The following DIP2B variants were observed in gnomAD, a reference collection of about 807,000 sequenced individuals.
DIP2B encodes DIP2 acetate--CoA ligase B (putative).
DIP2B carries 76 observed loss-of-function variants against 198.0 expected under a neutral mutation model. That is an observed-to-expected ratio of 0.38 (90% CI 0.32 to 0.46). The LOEUF (loss-of-function observed/expected upper bound fraction) is 0.46. DIP2B is among the 20% of genes least tolerant of loss of function. The pLI, the probability that DIP2B is intolerant of heterozygous loss-of-function variation, is 0.99. For synonymous variants in DIP2B, 701 were observed against 739.1 expected (o/e 0.95, Z 0.84); for missense variants, 1,559 against 1,978.4 (o/e 0.79, Z 4.02).
At chr12:50,618,212 G>A (rs1227018006) in intron 1 of DIP2B, among the ~76,000 whole-genome samples, 1 of 152,186 alleles carries the variant, frequency 6.6e-6, no homozygotes, top group Non-Finnish European at 1.5e-5. Flanking sequence ...TAGATTGGTG[G>A]TGGTGTTATA....
At chr12:50,507,537 G>T (rs1203002366) in intron 1 of DIP2B, among the ~76,000 whole-genome samples, 3 of 151,952 alleles carry the variant, frequency 2.0e-5, no homozygotes, top group Non-Finnish European at 4.4e-5. Context: ...GTCTTTTTTT[G>T]TTTTAGATGC....
intron 1 of DIP2B, among the ~76,000 whole-genome samples, chr12:50,604,041 T>C (rs1327931043): frequency 2.6e-5 from 4 of 152,034 alleles, no homozygotes; most frequent in African/African-American, 9.7e-5. Context: ...TTGCATTGTT[T>C]TGCATCATGC....
At chr12:50,592,179 G>A (rs1047167107) in intron 1 of DIP2B, among the ~76,000 whole-genome samples, 4 of 151,140 alleles carry the variant, frequency 2.6e-5, no homozygotes, top group Admixed American at 6.6e-5. Context: ...GCGCCCAGCC[G>A]ATCTTTATTT....
chr12:50,674,491 C>G lies in DIP2B; in HGVS notation c.658C>G (p.Pro220Ala). Residue 220 changes from proline (P) to alanine (A), a missense_variant, in exon 6 of 38, where the codon CCT becomes GCT. By Grantham distance (27) the Pro-to-Ala change is conservative. Transcript: ENST00000301180. ...NTRIENFSAP[P>A]DVTTTTSSSS... The stretch of plus-strand genomic sequence containing the variant: ...CCTCTCAGAGAATTTCTCTGCTCCT[C>G]CTGATGTCACTACAACTACCTCTTC... 1 of 1,614,212 alleles carries G rather than the reference C, an allele frequency of 6.2e-7. No homozygotes were observed. The highest frequency in any genetic ancestry group is 8.5e-7 in the Non-Finnish European group (1 of 1,180,024).
chr12:50,627,368 C>G (rs142611711), intron 2 of DIP2B, among the ~76,000 whole-genome samples: 1 of 152,104 alleles, frequency 6.6e-6, no homozygotes, highest in Non-Finnish European at 1.5e-5. Context: ...GATTCTTGCT[C>G]TGTCACCCAG....
chr12:50,640,937 TC>T (rs376547473), intron 3 of DIP2B, 85 bp downstream of exon 3: 737 of 1,417,534 alleles, frequency 5.2e-4, no homozygotes, highest in Admixed American at 1.3e-3. Flanking sequence ...CTAATACTTG[TC>T]TTTTTTTTCC....
intron 1 of DIP2B, among the ~76,000 whole-genome samples, chr12:50,599,353 C>G (rs957729787): frequency 6.6e-6 from 1 of 151,180 alleles, no homozygotes; most frequent in East Asian, 1.9e-4. Context: ...CGGTGGCTCA[C>G]GCCTGTAATC....
intron 2 of DIP2B, among the ~76,000 whole-genome samples, chr12:50,633,054 C>A (rs1207543710): frequency 6.6e-6 from 1 of 152,104 alleles, no homozygotes; most frequent in African/African-American, 2.4e-5. Context: ...TCTGGGATTA[C>A]AGGTGTGAGC....
intron 1 of DIP2B, among the ~76,000 whole-genome samples, chr12:50,518,678 G>A (rs1004114014): frequency 6.6e-6 from 1 of 152,168 alleles, no homozygotes; most frequent in Non-Finnish European, 1.5e-5. Flanking sequence ...GTTTCAAGTA[G>A]TTTCAGCAGA....
chr12:50,724,698 T>C (rs1431177413), intron 27 of DIP2B, 77 bp from the exon 28 acceptor site: 2 of 1,322,502 alleles, frequency 1.5e-6, no homozygotes, highest in South Asian at 2.4e-5. Context: ...TGAGTGGCTT[T>C]TAGCAGCAGC....
chr12:50,635,204 G>A (rs2037453), intron 2 of DIP2B, among the ~76,000 whole-genome samples: 3 of 152,198 alleles, frequency 2.0e-5, no homozygotes, highest in African/African-American at 7.2e-5. Context: ...TATTTGTGAC[G>A]TTTGTGTGTT....
chr12:50,664,153 A>G (rs1049170774), intron 4 of DIP2B, among the ~76,000 whole-genome samples: 2 of 152,170 alleles, frequency 1.3e-5, no homozygotes, highest in Non-Finnish European at 1.5e-5. Context: ...TACTGAACTG[A>G]TGAAAATTTA....
intron 1 of DIP2B, among the ~76,000 whole-genome samples, chr12:50,573,031 T>C (rs966757999): frequency 7.2e-5 from 11 of 152,272 alleles, no homozygotes; most frequent in African/African-American, 2.4e-4. Context: ...TGTGCCATTC[T>C]GCACGTGAGC....
chr12:50,690,958 G>T (rs1939212920), intron 12 of DIP2B, 91 bp from the exon 13 acceptor site: 6 of 1,091,260 alleles, frequency 5.5e-6, no homozygotes, highest in Non-Finnish European at 8.1e-6. Context: ...CATTATGATG[G>T]TTTTTCTGGG....
chr12:50,724,536 C>T (rs1044770026), intron 27 of DIP2B, among the ~76,000 whole-genome samples: 1 of 152,224 alleles, frequency 6.6e-6, no homozygotes, highest in Admixed American at 6.5e-5. Context: ...TTGAGAATCA[C>T]TGTTATAAAT....
At chr12:50,685,646 G>T (rs1592127179) in intron 10 of DIP2B, among the ~76,000 whole-genome samples, 187 bp from the exon 11 acceptor site, 1 of 152,232 alleles carries the variant, frequency 6.6e-6, no homozygotes, top group African/African-American at 2.4e-5. Flanking sequence ...TTGTGCTCAG[G>T]AAATGTTTGT....
intron 1 of DIP2B, among the ~76,000 whole-genome samples, chr12:50,571,798 T>C (rs754512088): frequency 2.0e-5 from 3 of 151,300 alleles, no homozygotes; most frequent in African/African-American, 4.9e-5. Flanking sequence ...GACCTCGTGA[T>C]CCTCCTGCCT....
At chr12:50,623,433 ACACACTCTCT>A (rs768443595) in intron 1 of DIP2B, among the ~76,000 whole-genome samples, 108 of 46,776 alleles carry the variant, frequency 2.3e-3, no homozygotes, top group African/African-American at 6.7e-3. Flanking sequence ...ACACACACAC[ACACACTCTCT>A]CTCTCTCTCT....
intron 3 of DIP2B, among the ~76,000 whole-genome samples, chr12:50,657,358 A>G (rs1938572645): frequency 6.6e-6 from 1 of 152,172 alleles, no homozygotes; most frequent in Admixed American, 6.5e-5. Flanking sequence ...TTACTTATTA[A>G]TTGCAAACGG....
Sources: allele counts gnomAD v4.1 joint callset (sites outside exome capture counted in the v4.1 genomes callset), GRCh38; gene constraint gnomAD v4.1.1; transcripts MANE v1.5; gene names NCBI Gene and HGNC (gene_info 2026-07-23, HGNC 2026-07-21).